RALB: variants seen among roughly 807,000 people sequenced by gnomAD.
The protein encoded by RALB is ras-related protein Ral-B.
RALB carries 16 observed loss-of-function variants against 21.3 expected under a neutral mutation model. That is an observed-to-expected ratio of 0.75 (90% CI 0.51 to 1.14). The LOEUF (loss-of-function observed/expected upper bound fraction) is 1.14. Among genes scored for constraint, RALB ranks in the 50% most tolerant of loss-of-function variants. The pLI is 0.00. For synonymous variants in RALB, 93 were observed against 96.1 expected, an observed-to-expected ratio of 0.97 and a Z score of 0.19; for missense variants, 161 against 256.2, an observed-to-expected ratio of 0.63 and a Z score of 2.54.
chr2:120,264,693 C>T (rs528890153), intron 1 of RALB, among the ~76,000 whole-genome samples: 1 of 152,276 alleles, frequency 6.6e-6, no homozygotes, highest in African/African-American at 2.4e-5. Context: ...CCATCACCAC[C>T]ATCCATCTCC....
intron 1 of RALB, among the ~76,000 whole-genome samples, chr2:120,268,329 C>T (rs975059274): frequency 7.9e-5 from 12 of 152,128 alleles, no homozygotes; most frequent in African/African-American, 2.7e-4. Flanking sequence ...CATAGTTTTT[C>T]GTTTCGAGTC....
At position 120,277,979 on chromosome 2, in the gene RALB, G is replaced by A. The variant is rs1003131442; in HGVS notation, c.-47-639G>A. 6.0e-5 allele frequency among the ~76,000 whole-genome samples: 9 copies of A among 150,506 alleles called. No homozygotes were observed. In the South Asian group the frequency reaches 1.1e-3, roughly 18 times the overall value. ...AATGTGAGTGAATGTGTGTGAATAA[G>A]AGCATGTGTGAATGTGTGTGCGAGT... On this transcript the variant is annotated intron_variant, in intron 1 of 4. Coordinates refer to ENST00000272519, the MANE Select transcript of RALB (RefSeq NM_002881.3).
intron 2 of RALB, among the ~76,000 whole-genome samples, chr2:120,279,434 T>C (rs1029555548): frequency 6.6e-6 from 1 of 152,004 alleles, no homozygotes; most frequent in Admixed American, 6.6e-5. Flanking sequence ...GGAATGAAAA[T>C]ATTCGGGAAA....
At chr2:120,285,077 G>A (rs1423349892) in intron 2 of RALB, among the ~76,000 whole-genome samples, 1 of 152,118 alleles carries the variant, frequency 6.6e-6, no homozygotes, top group African/African-American at 2.4e-5. Context: ...AAAGAAAAGA[G>A]GTGTATAGCC....
At chr2:120,272,146 G>A (rs993108218) in intron 1 of RALB, among the ~76,000 whole-genome samples, 1 of 152,150 alleles carries the variant, frequency 6.6e-6, no homozygotes, top group Admixed American at 6.5e-5. Flanking sequence ...CTTATAAGAA[G>A]AGGAAGAGAT....
At chr2:120,243,278 G>A (rs1688922221) in intron 1 of RALB, among the ~76,000 whole-genome samples, 1 of 152,226 alleles carries the variant, frequency 6.6e-6, no homozygotes, top group Admixed American at 6.5e-5. Flanking sequence ...AGATCAGGGA[G>A]GCCTGAGTCA....
intron 1 of RALB, chr2:120,253,187 C>G (rs1296150309): frequency 3.0e-6 from 1 of 335,056 alleles, no homozygotes; most frequent in Non-Finnish European, 4.2e-6. Context: ...GGAGTCTCGG[C>G]TTCCTGGGCT....
chr2:120,278,821 C>G, intron 2 of RALB, 43 bp downstream of exon 2: 1 of 1,453,494 alleles, frequency 6.9e-7, no homozygotes, highest in Non-Finnish European at 9.2e-7. Flanking sequence ...TGGCATTGGC[C>G]GTAGCAGTGT....
In RALB at chr2:120,285,963, C is replaced by T. The variant is rs1690123283; in HGVS notation, c.204C>T (p.Asp68=). 1.2e-6 allele frequency: 2 copies of T among 1,613,946 alleles called. No individual in the cohort carries two copies. Among genetic ancestry groups the T allele is most frequent in the Non-Finnish European group, 1.7e-6 (2 of 1,179,878 alleles). Residue 68 remains aspartate (D), a synonymous_variant, in exon 3 of 5, where the codon GAC becomes GAT. Coordinates refer to ENST00000272519, the MANE Select transcript of RALB (RefSeq NM_002881.3). The part of the protein sequence containing the change: ...DGEEVQIDIL[D]TAGQEDYAAI... ...AAGAAGTTCAGATAGATATTCTGGA[C>T]ACCGCTGGGCAAGAGGACTACGCAG...
At chr2:120,288,565 G>T (rs1230602671) in intron 3 of RALB, among the ~76,000 whole-genome samples, 1 of 151,806 alleles carries the variant, frequency 6.6e-6, no homozygotes, top group African/African-American at 2.4e-5. Flanking sequence ...TTTTGAAGGG[G>T]ACTCTTTTTA....
chr2:120,254,398 A>G (rs965956380), intron 1 of RALB, among the ~76,000 whole-genome samples: 4 of 152,128 alleles, frequency 2.6e-5, no homozygotes, highest in African/African-American at 9.7e-5. Context: ...ATTGCTTCCC[A>G]TTGGAAACAG....
chr2:120,281,396 C>T (rs1253460175), intron 2 of RALB, among the ~76,000 whole-genome samples: 3 of 152,098 alleles, frequency 2.0e-5, no homozygotes, highest in African/African-American at 7.2e-5. Flanking sequence ...TGAGAGTCAC[C>T]CGGGGGTGAG....
chr2:120,292,652 T>C (rs1356616207), intron 4 of RALB, among the ~76,000 whole-genome samples: 3 of 152,232 alleles, frequency 2.0e-5, no homozygotes, highest in African/African-American at 7.2e-5. Context: ...TAAGATTTTA[T>C]CATTTTGAAA....
chr2:120,267,291 A>G (rs1689528752), intron 1 of RALB, among the ~76,000 whole-genome samples: 2 of 152,236 alleles, frequency 1.3e-5, no homozygotes, highest in African/African-American at 2.4e-5. Flanking sequence ...CCTTAGGCAT[A>G]CAGGAGGGCT....
At chr2:120,277,307 C>T (rs965944923) in intron 1 of RALB, among the ~76,000 whole-genome samples, 5 of 151,204 alleles carry the variant, frequency 3.3e-5, no homozygotes, top group Non-Finnish European at 5.9e-5. Context: ...GTTCTGTGAA[C>T]GTGTTACAGC....
chr2:120,270,898 G>A (rs979630418), intron 1 of RALB, among the ~76,000 whole-genome samples: 8 of 152,110 alleles, frequency 5.3e-5, no homozygotes, highest in African/African-American at 1.2e-4. Context: ...TATGATTATG[G>A]CCTACTAGGT....
Position 120,245,206 on chromosome 2 carries a change from C to CT in RALB, c.19+5084dup, listed in dbSNP as rs1688951728. On this transcript the variant is annotated intron_variant, in intron 1 of 3. Coordinates refer to the RALB transcript ENST00000447591. ...AGGTAACCTGTTAGAGGTCACACAG[C>CT]TTTGCAGCATGGGTGGGAAGGTGGT... Among the ~76,000 whole-genome samples, 7 of 152,340 alleles carry CT rather than the reference C, an allele frequency of 4.6e-5. No individual in the cohort carries two copies. In the South Asian group the frequency reaches 1.4e-3, roughly 32 times the overall value.
chr2:120,252,669 G>A (rs1171141429), upstream of RALB: 2 of 544,520 alleles, frequency 3.7e-6, no homozygotes, highest in Admixed American at 6.4e-5. Context: ...CCCCGTGCCT[G>A]GGGCAGCTTC....
At chr2:120,269,539 A>G (rs1239406967) in intron 1 of RALB, among the ~76,000 whole-genome samples, 2 of 152,106 alleles carry the variant, frequency 1.3e-5, no homozygotes, top group East Asian at 3.9e-4. Flanking sequence ...TGATTGGTGC[A>G]TTTTACAGTG....
Sources: gnomAD v4.1 joint callset for allele counts (sites outside exome capture counted in the v4.1 genomes callset) on GRCh38, gnomAD v4.1.1 for gene constraint, MANE v1.5 for transcripts, NCBI Gene and HGNC (gene_info 2026-07-23, HGNC 2026-07-21) for gene names.